Variants in NXN observed in about 807,000 individuals in gnomAD.
NXN encodes nucleoredoxin 1.
In NXN, 16 loss-of-function variants were observed where a neutral mutation model predicts 48.6. The ratio of observed to expected loss-of-function variants is 0.33; its 90% CI spans 0.22 to 0.50. The LOEUF (loss-of-function observed/expected upper bound fraction) is 0.50. NXN is among the 20% of genes least tolerant of loss of function. NXN has a pLI of 0.98. For synonymous variants in NXN, 281 were observed against 269.6 expected, an observed-to-expected ratio of 1.04 and a Z score of -0.41; for missense variants, 492 against 605.5, an observed-to-expected ratio of 0.81 and a Z score of 1.97.
At chr17:973,030 CAAA>C (rs529073688) in intron 1 of NXN, among the ~76,000 whole-genome samples, 5 of 81,528 alleles carry the variant, frequency 6.1e-5, no homozygotes, top group Admixed American at 1.5e-4. Flanking sequence ...GACTGCGTCT[CAAA>C]AAAAAAAAAA....
intron 1 of NXN, among the ~76,000 whole-genome samples, chr17:970,702 TA>T (rs1243917720): frequency 6.6e-6 from 1 of 152,204 alleles, no homozygotes; most frequent in Non-Finnish European, 1.5e-5. Context: ...AAGTTGAATT[TA>T]AGGGAGTTCA....
intron 1 of NXN, among the ~76,000 whole-genome samples, chr17:939,030 C>G (rs1413387126): frequency 6.6e-6 from 1 of 150,466 alleles, no homozygotes; most frequent in Non-Finnish European, 1.5e-5. Flanking sequence ...CCAGCCTGGG[C>G]GACAAGGGTG....
chr17:801,334 G>A (rs1567805660), intron 7 of NXN, among the ~76,000 whole-genome samples: 1 of 151,846 alleles, frequency 6.6e-6, no homozygotes, highest in Non-Finnish European at 1.5e-5. Context: ...TTCTCTCTTT[G>A]CATCCGCCCT....
rs978486994 is a variant in NXN, at chr17:919,844, C to A, written c.360+59475G>T. On this transcript the variant is annotated intron_variant, in intron 1 of 7. Coordinates refer to ENST00000336868, the MANE Select transcript of NXN (RefSeq NM_022463.5). This position sits in a 1 kb window ranked among gnomAD's most constrained non-coding sequence, Gnocchi z 5.1. ...GGCGGACCACACTGGTATGCGACCT[C>A]ATCTAGCTACATAGCTACACCTCCC... is the stretch of plus-strand genomic sequence containing the variant. Among the ~76,000 whole-genome samples, 1 of 152,196 alleles carries A rather than the reference C, an allele frequency of 6.6e-6. No individual in the cohort carries two copies. The highest frequency in any genetic ancestry group is 6.5e-5 in the Admixed American group (1 of 15,272).
At chr17:955,548 C>G (rs1355170761) in intron 1 of NXN, among the ~76,000 whole-genome samples, 4 of 151,804 alleles carry the variant, frequency 2.6e-5, no homozygotes, top group East Asian at 2.0e-4. Flanking sequence ...ACCAGGAAAA[C>G]TGCCAAGAAA....
intron 5 of NXN, among the ~76,000 whole-genome samples, chr17:806,665 C>T (rs8072132): frequency 0.085 from 12,869 of 152,154 alleles, 673 homozygotes; most frequent in Middle Eastern, 0.15. Context: ...TTTATAGATT[C>T]CCAAGGATTC....
intron 1 of NXN, among the ~76,000 whole-genome samples, chr17:918,260 C>T (rs2068709106): frequency 6.6e-6 from 1 of 152,142 alleles, no homozygotes; most frequent in African/African-American, 2.4e-5. Context: ...AACCCTGGGC[C>T]CAAAGGGGTC....
intron 1 of NXN, among the ~76,000 whole-genome samples, chr17:964,100 G>A (rs576295152): frequency 6.6e-6 from 1 of 152,264 alleles, no homozygotes; most frequent in African/African-American, 2.4e-5. Flanking sequence ...AAAAATGCTG[G>A]CTCTCTCTTG....
chr17:962,912 C>T (rs76173608), intron 1 of NXN, among the ~76,000 whole-genome samples: 197 of 152,230 alleles, frequency 1.3e-3, no homozygotes, highest in African/African-American at 4.6e-3. Flanking sequence ...TCTCTAAGGA[C>T]GGGGAAGCGG....
chr17:921,814 C>T (rs1347528519), intron 1 of NXN, among the ~76,000 whole-genome samples: 5 of 151,504 alleles, frequency 3.3e-5, no homozygotes, highest in African/African-American at 1.2e-4. Flanking sequence ...ATCCTCACTG[C>T]CCCTGGACAA....
Position 919,376 on chromosome 17 carries a change from A to C in NXN, c.360+59943T>G, listed in dbSNP as rs532917358. 5.9e-5 allele frequency among the ~76,000 whole-genome samples: 9 copies of C among 152,270 alleles called. No homozygotes were observed. The East Asian group carries it at 1.2e-3, about 20-fold the overall frequency. ...GACTCTGTCTCAAAACAAAACAAAA[A>C]AAAGGTTCTGGAATGATTATTCCAA... is the stretch of plus-strand genomic sequence containing the variant. On this transcript the variant is annotated intron_variant, in intron 1 of 7. Transcript: ENST00000336868. This position sits in a 1 kb window ranked among gnomAD's most constrained non-coding sequence, Gnocchi z 5.1.
Position 904,602 on chromosome 17 carries a change from G to A in NXN, c.360+74717C>T, listed in dbSNP as rs552359803. Among the ~76,000 whole-genome samples the A allele has an allele frequency of 3.3e-5, 5 of 152,252 alleles. No individual in the cohort carries two copies. In the East Asian group the frequency reaches 7.7e-4, roughly 24 times the overall value. Reference sequence around the variant, plus strand: ...TCTGTCACCCGGGCTGGGGTGCAATGGTGCCATCTCGGCTCACTGCAACCT... The same window carrying A: ...TCTGTCACCCGGGCTGGGGTGCAATAGTGCCATCTCGGCTCACTGCAACCT... On this transcript the variant is annotated intron_variant, in intron 1 of 7. Coordinates refer to ENST00000336868, the MANE Select transcript of NXN (RefSeq NM_022463.5).
chr17:963,214 G>GACACACACACAC (rs58535607), intron 1 of NXN, among the ~76,000 whole-genome samples: 1,743 of 142,894 alleles, frequency 0.012, 33 homozygotes, highest in African/African-American at 0.038. Context: ...TACTGGGACG[G>GACACACACACAC]ACACACACAC....
At chr17:811,259 C>T (rs1911982200) in intron 5 of NXN, among the ~76,000 whole-genome samples, 1 of 152,226 alleles carries the variant, frequency 6.6e-6, no homozygotes. Context: ...CTGCACAGCC[C>T]TCAGGCCGTC....
Position 877,382 on chromosome 17 carries a change from G to A in NXN, c.361-51304C>T, listed in dbSNP as rs189535274. Among the ~76,000 whole-genome samples the A allele has an allele frequency of 6.8e-3, 1,035 of 152,114 alleles. 12 individuals carry two copies. The highest frequency in any genetic ancestry group is 0.024 in the African/African-American group (977 of 41,526). ...AGGATGGTCTCGATCTCCTGACCTC[G>A]TGATCCACCTGCCTCAGCCTCCCAA... is the stretch of plus-strand genomic sequence containing the variant. On this transcript the variant is annotated intron_variant, in intron 1 of 7. Coordinates refer to ENST00000336868, the MANE Select transcript of NXN (RefSeq NM_022463.5).
In NXN at chr17:818,266, T is replaced by C. The variant is rs981481202; in HGVS notation, c.820+1173A>G. ...ACACGGTGAGACCCTGACTTAAAAA[T>C]ATATATATAATTTCTGAAAAACACC... On this transcript the variant is annotated intron_variant, in intron 5 of 7. Transcript: ENST00000336868. Among the ~76,000 whole-genome samples the C allele has an allele frequency of 2.6e-5, 4 of 151,684 alleles. No homozygotes were observed. In the East Asian group the frequency reaches 7.8e-4, roughly 29 times the overall value.
intron 1 of NXN, among the ~76,000 whole-genome samples, chr17:881,937 G>A (rs1021451143): frequency 5.9e-5 from 9 of 152,158 alleles, no homozygotes; most frequent in African/African-American, 2.2e-4. Flanking sequence ...CCAAAGCGAC[G>A]GATGGGAGGG....
chr17:839,797 T>TAAAAAAAAAAAAAAAAAAAAAAAAAAAA (rs553678056), intron 1 of NXN, among the ~76,000 whole-genome samples: 12 of 57,254 alleles, frequency 2.1e-4, no homozygotes, highest in Admixed American at 3.8e-4. Context: ...GAGACCTTGT[T>TAAAAAAAAAAAAAAAAAAAAAAAAAAAA]AAAAAAAAAA....
chr17:979,092 G>T (rs2069499302), intron 1 of NXN, among the ~76,000 whole-genome samples: 1 of 88,784 alleles, frequency 1.1e-5, no homozygotes, highest in Admixed American at 1.1e-4. Context: ...GGATGAGGGT[G>T]CGGGCACAGC....
Sources: gnomAD v4.1 joint callset for allele counts (sites outside exome capture counted in the v4.1 genomes callset) on GRCh38, gnomAD v4.1.1 for gene constraint, Gnocchi (gnomAD v3.1) non-coding constraint, MANE v1.5 for transcripts, NCBI Gene and HGNC (gene_info 2026-07-23, HGNC 2026-07-21) for gene names.